Variants in TMED6 observed in about 807,000 individuals in gnomAD.
TMED6 encodes transmembrane emp24 domain-containing protein 6.
Under a neutral mutation model 26.5 loss-of-function variants are expected in TMED6, and 17 were observed. That is an observed-to-expected ratio of 0.64 (90% CI 0.44 to 0.96). The LOEUF (loss-of-function observed/expected upper bound fraction) is 0.96. Ranked by LOEUF, TMED6 falls within the 40% of genes least tolerant of loss-of-function variation. The pLI, the probability that TMED6 is intolerant of heterozygous loss-of-function variation, is 0.00. For synonymous variants in TMED6, 107 were observed against 106.2 expected, an observed-to-expected ratio of 1.01 and a Z score of -0.04; for missense variants, 309 against 296.5, an observed-to-expected ratio of 1.04 and a Z score of -0.31.
intron 3 of TMED6, among the ~76,000 whole-genome samples, chr16:69,346,457 A>T (rs1238919060): frequency 2.0e-5 from 3 of 152,218 alleles, no homozygotes; most frequent in African/African-American, 7.2e-5. Context: ...CGTTGAGAAC[A>T]TGCTAAATTA....
At position 69,343,644 on chromosome 16, in the gene TMED6, TGA is replaced by T. The variant is rs2012626180; in HGVS notation, c.490-6_490-5del. On this transcript the variant is annotated splice_region_variant and splice_polypyrimidine_tract_variant and intron_variant, in intron 3 of 3. Coordinates refer to ENST00000288025, the MANE Select transcript of TMED6 (RefSeq NM_144676.4). ...TCTGCACCTTTTGTGTGCCGTCCTA[TGA>T]GAGAGACAATTTTAAGGGGGATTCT... 2 of 1,609,138 alleles carry T rather than the reference TGA, an allele frequency of 1.2e-6. No homozygotes were observed. Among genetic ancestry groups the T allele is most frequent in the Non-Finnish European group, 8.5e-7 (1 of 1,175,686 alleles).
chr16:69,348,098 A>T (rs1004597202), intron 2 of TMED6, 162 bp from the exon 3 acceptor site: 1 of 708,874 alleles, frequency 1.4e-6, no homozygotes, highest in East Asian at 2.7e-5. Context: ...CACGGACCTT[A>T]TGTTAAACTT....
At chr16:69,350,187 G>A (rs779516428) in intron 1 of TMED6, among the ~76,000 whole-genome samples, 4 of 149,618 alleles carry the variant, frequency 2.7e-5, no homozygotes, top group African/African-American at 7.4e-5. Context: ...CAGGAGAATT[G>A]CTTGAACCCG....
At chr16:69,346,101 C>T (rs534939779) in intron 3 of TMED6, among the ~76,000 whole-genome samples, 1 of 152,320 alleles carries the variant, frequency 6.6e-6, no homozygotes, top group South Asian at 2.1e-4. Context: ...CACAAGATAA[C>T]ATTTCACACC....
chr16:69,349,624 C>G lies in TMED6; in HGVS notation c.241G>C (p.Asp81His), dbSNP rs1002064463. The G allele has an allele frequency of 3.1e-6, 5 of 1,613,806 alleles. No individual in the cohort carries two copies. The Admixed American group carries it at 5.0e-5, about 16-fold the overall frequency. The change falls in exon 2 of 4, where the codon GAC becomes CAC. Residue 81 changes from aspartate (D) to histidine (H), a missense_variant. Asp to His is a moderately conservative substitution (Grantham distance 81). Coordinates refer to ENST00000288025, the MANE Select transcript of TMED6 (RefSeq NM_144676.4). Reference protein sequence around the residue: ...EVQRTVGMSHDRHVAATAHNP... With the variant: ...EVQRTVGMSHHRHVAATAHNP... Reference sequence around the variant, plus strand: ...TGTGCCGTGGCAGCAACATGCCGGTCATGTGACATCCCCACTGTCCGCTGA... The same window carrying G: ...TGTGCCGTGGCAGCAACATGCCGGTGATGTGACATCCCCACTGTCCGCTGA...
chr16:69,345,436 C>A (rs2012668476), intron 3 of TMED6, among the ~76,000 whole-genome samples: 1 of 151,990 alleles, frequency 6.6e-6, no homozygotes, highest in Non-Finnish European at 1.5e-5. Flanking sequence ...GTATTCCCAG[C>A]ACTTTGAGAG....
chr16:69,351,157 A>G (rs2012769598), intron 1 of TMED6, among the ~76,000 whole-genome samples: 1 of 152,226 alleles, frequency 6.6e-6, no homozygotes, highest in Non-Finnish European at 1.5e-5. Flanking sequence ...CATAAGCTGA[A>G]GCAGCCTTCT....
chr16:69,347,749 T>C, intron 3 of TMED6, 39 bp downstream of exon 3: 2 of 1,608,956 alleles, frequency 1.2e-6, no homozygotes, highest in Non-Finnish European at 1.7e-6. Context: ...TAAAAATCAG[T>C]TTCCACAGAT....
At chr16:69,347,289 C>T (rs1485844602) in intron 3 of TMED6, among the ~76,000 whole-genome samples, 1 of 152,186 alleles carries the variant, frequency 6.6e-6, no homozygotes, top group Non-Finnish European at 1.5e-5. Context: ...GGCAATGGGC[C>T]AGATTTGGCC....
At chr16:69,350,205 G>A (rs929673167) in intron 1 of TMED6, among the ~76,000 whole-genome samples, 3 of 150,832 alleles carry the variant, frequency 2.0e-5, no homozygotes, top group African/African-American at 7.3e-5. Context: ...CCGGGAGGCA[G>A]GGATTGCAGT....
chr16:69,347,947 TC>T lies in TMED6; in HGVS notation c.341-12del. On this transcript the variant is annotated splice_polypyrimidine_tract_variant and intron_variant, in intron 2 of 3. Coordinates refer to ENST00000288025, the MANE Select transcript of TMED6 (RefSeq NM_144676.4). ...AAAGCTGATAAAAACCTGTAGGAATTCTTAGATCATTACCAAGTCTTTGGTC... is the reference window on the plus strand; with the variant it reads ...AAAGCTGATAAAAACCTGTAGGAATTTTAGATCATTACCAAGTCTTTGGTC... The T allele has an allele frequency of 6.2e-7, 1 of 1,613,704 alleles. No homozygotes were observed. Among genetic ancestry groups the T allele is most frequent in the Non-Finnish European group, 8.5e-7 (1 of 1,179,768 alleles).
intron 1 of TMED6, among the ~76,000 whole-genome samples, chr16:69,350,194 C>T (rs918313667): frequency 6.7e-6 from 1 of 150,200 alleles, no homozygotes; most frequent in Non-Finnish European, 1.5e-5. Context: ...ATTGCTTGAA[C>T]CCGGGAGGCA....
intron 2 of TMED6, among the ~76,000 whole-genome samples, chr16:69,349,110 T>C (rs1050205928): frequency 6.6e-6 from 1 of 152,238 alleles, no homozygotes; most frequent in Non-Finnish European, 1.5e-5. Context: ...ATATCTCACA[T>C]GGATATCATG....
At chr16:69,346,580 A>G (rs1008259095) in intron 3 of TMED6, among the ~76,000 whole-genome samples, 5 of 152,170 alleles carry the variant, frequency 3.3e-5, no homozygotes, top group South Asian at 2.1e-4. Flanking sequence ...CTTGGCCAAC[A>G]TGGTGAAACC....
chr16:69,351,699 C>G lies in TMED6; in HGVS notation c.55G>C (p.Ala19Pro). Residue 19 changes from alanine to proline, a missense_variant, in exon 1 of 4, where the codon GCC becomes CCC. Coordinates refer to ENST00000288025, the MANE Select transcript of TMED6 (RefSeq NM_144676.4). ...AGAGGTTCTGTCTTCTGGCTCCTGG[C>G]AGACGTCACTAGATTCAGAACGACC... Reference protein sequence around the residue: ...GLVVLNLVTSARSQKTEPLSG... With the variant: ...GLVVLNLVTSPRSQKTEPLSG... 1 of 1,613,800 alleles carries G rather than the reference C, an allele frequency of 6.2e-7. No homozygotes were observed. Among genetic ancestry groups the G allele is most frequent in the African/African-American group, 1.3e-5 (1 of 74,966 alleles).
intron 3 of TMED6, among the ~76,000 whole-genome samples, chr16:69,343,860 A>G (rs918032863): frequency 6.6e-6 from 1 of 152,202 alleles, no homozygotes; most frequent in East Asian, 1.9e-4. Flanking sequence ...ACAGGGTCTC[A>G]CTTGTTTGCC....
At chr16:69,348,849 A>T (rs1235925303) in intron 2 of TMED6, among the ~76,000 whole-genome samples, 2 of 152,184 alleles carry the variant, frequency 1.3e-5, no homozygotes, top group Non-Finnish European at 2.9e-5. Context: ...TCCTGACCTC[A>T]GGTGATCCGC....
Position 69,351,775 on chromosome 16 carries a change from T to C in TMED6, c.-22A>G. The C allele has an allele frequency of 6.2e-7, 1 of 1,609,112 alleles. No individual in the cohort carries two copies. The highest frequency in any genetic ancestry group is 8.5e-7 in the Non-Finnish European group (1 of 1,177,640). ...ACATGCCGCTTTCTGGAGCCTCCTC[T>C]GCAGGTGAACTGCTCGCAGCCCAGG... On this transcript the variant is annotated 5_prime_UTR_variant, in exon 1 of 4. Transcript: ENST00000288025.
At chr16:69,349,756 T>A in intron 1 of TMED6, 105 bp from the exon 2 acceptor site, 2 of 1,467,076 alleles carry the variant, frequency 1.4e-6, no homozygotes, top group South Asian at 2.5e-5. Context: ...GCGGTCTCTG[T>A]CTGGGGTGGG....
Sources: gnomAD v4.1 joint callset for allele counts (sites outside exome capture counted in the v4.1 genomes callset) on GRCh38, gnomAD v4.1.1 for gene constraint, MANE v1.5 for transcripts, NCBI Gene and HGNC (gene_info 2026-07-23, HGNC 2026-07-21) for gene names.